BAZ2A: variants seen among roughly 807,000 people sequenced by gnomAD.
BAZ2A encodes bromodomain adjacent to zinc finger domain protein 2A.
Under a neutral mutation model 199.9 loss-of-function variants are expected in BAZ2A, and 34 were observed. That is an observed-to-expected ratio of 0.17 (90% CI 0.13 to 0.23). BAZ2A has a LOEUF of 0.23. Among genes scored for constraint, BAZ2A ranks in the 10% least tolerant of loss-of-function variants. The pLI is 1.00. For synonymous variants in BAZ2A, 857 were observed against 883.9 expected (o/e 0.97, Z 0.54); for missense variants, 2,002 against 2,391.1 (o/e 0.84, Z 3.39).
At chr12:56,602,955 C>T (rs1294140749) in intron 18 of BAZ2A, 98 bp from the exon 19 acceptor site, 2 of 1,363,292 alleles carry the variant, frequency 1.5e-6, no homozygotes, top group Non-Finnish European at 2.0e-6. Context: ...GCTCTCAGTC[C>T]CTCTATAAAA....
At chr12:56,609,685 T>G in intron 10 of BAZ2A, 51 bp downstream of exon 10, 2 of 1,542,072 alleles carry the variant, frequency 1.3e-6, no homozygotes, top group South Asian at 1.1e-5. Flanking sequence ...ATCAACATTT[T>G]AGATACCTCA....
intron 12 of BAZ2A, 25 bp from the exon 13 acceptor site, chr12:56,606,088 G>A (rs1357327471): frequency 6.4e-7 from 1 of 1,551,244 alleles, no homozygotes. Flanking sequence ...GAGGAACCAA[G>A]ACTGCCATAA....
intron 7 of BAZ2A, 150 bp downstream of exon 7, chr12:56,611,423 A>T (rs1301843268): frequency 2.7e-6 from 2 of 746,684 alleles, no homozygotes; most frequent in African/African-American, 3.6e-5. Context: ...TCATGCCAAG[A>T]AACATTATCA....
At position 56,630,301 on chromosome 12, in the gene BAZ2A, G is replaced by C. The variant is rs1951269250; in HGVS notation, c.-179C>G. On this transcript the variant is annotated 5_prime_UTR_variant, in exon 1 of 29. Transcript: ENST00000549884. ...GGCTCAACCGCGGGGCCCGAGAGGA[G>C]CCAACATGGCCGGCGGGGGAGGAGT... The C allele has an allele frequency of 7.1e-6, 7 of 984,470 alleles. No homozygotes were observed. The highest frequency in any genetic ancestry group is 7.2e-6 in the Non-Finnish European group (6 of 829,126). The allele number at this position is 984,470 out of a possible 1,614,324, so 61.0% of individuals were successfully genotyped here.
In BAZ2A at chr12:56,601,260, C is replaced by G. The variant is rs751737008; in HGVS notation, c.4214G>C (p.Arg1405Thr). ...GAAGAACTTACTGGGAGGTCTCCCT[C>G]TCCGTTTGGGCTGTCCCAGCCCTGT... ...SPTGLGQPKRRGRPPSKFFKQ... is the reference protein window; with the variant it reads ...SPTGLGQPKRTGRPPSKFFKQ... The change falls in exon 21 of 29, where the codon AGA (arginine) becomes ACA (threonine). Residue 1405 changes from arginine to threonine, a missense_variant. This residue lies in a region of BAZ2A where 1,081 missense variants were observed against 1,274.7 expected (regional missense o/e 0.85). Transcript: ENST00000549884. 6.2e-7 allele frequency: 1 copy of G among 1,614,052 alleles called. No homozygotes were observed. The highest frequency in any genetic ancestry group is 1.1e-5 in the South Asian group (1 of 91,086).
intron 1 of BAZ2A, among the ~76,000 whole-genome samples, chr12:56,627,999 T>C (rs1195467116): frequency 6.6e-6 from 1 of 150,650 alleles, no homozygotes; most frequent in Non-Finnish European, 1.5e-5. Flanking sequence ...CTGGCCAACA[T>C]GATGAAACGC....
chr12:56,607,943 G>A (rs1950418479), intron 10 of BAZ2A, among the ~76,000 whole-genome samples: 1 of 151,980 alleles, frequency 6.6e-6, no homozygotes, highest in Non-Finnish European at 1.5e-5. Flanking sequence ...AGCTGGGCGT[G>A]GTGGCATATG....
At chr12:56,623,352 A>AC (rs983195065) in intron 1 of BAZ2A, among the ~76,000 whole-genome samples, 2 of 152,062 alleles carry the variant, frequency 1.3e-5, no homozygotes. Flanking sequence ...CTCTGAGGCT[A>AC]CCCCCCAGGA....
intron 21 of BAZ2A, 35 bp from the exon 22 acceptor site, chr12:56,601,133 T>C (rs759791994): frequency 3.1e-6 from 5 of 1,613,764 alleles, no homozygotes; most frequent in Non-Finnish European, 4.2e-6. Context: ...GGGCGCCAGC[T>C]GTGAAGCACT....
In BAZ2A at chr12:56,600,299, C is replaced by G; in HGVS notation, c.4794G>C (p.Arg1598=). The G allele has an allele frequency of 6.2e-7, 1 of 1,613,990 alleles. No individual in the cohort carries two copies. Among genetic ancestry groups the G allele is most frequent in the Non-Finnish European group, 8.5e-7 (1 of 1,179,886 alleles). The change falls in exon 24 of 29, where the codon CGG becomes CGC. Residue 1598 remains arginine, a synonymous_variant. Coordinates refer to ENST00000549884, the MANE Select transcript of BAZ2A (RefSeq NM_001300905.2). ...TTGGCCAGAGGGGCTCCCGCAGGTA[C>G]CGCCGTTCTACATTCTGTTCCAGGG... ...LAALEQNVER[R]YLREPLWPTH...
In BAZ2A at chr12:56,601,421, A is replaced by G. The variant is rs1886466571; in HGVS notation, c.4072-19T>C. 1.2e-6 allele frequency: 2 copies of G among 1,607,128 alleles called. No homozygotes were observed. Among genetic ancestry groups the G allele is most frequent in the Non-Finnish European group, 1.7e-6 (2 of 1,176,306 alleles). ...TATTCATCTGTGAATAAAATGAGAC[A>G]TAAGGAAATGAGGATGTTTTCATGT... On this transcript the variant is annotated intron_variant, in intron 20 of 28. Coordinates refer to ENST00000549884, the MANE Select transcript of BAZ2A (RefSeq NM_001300905.2).
upstream of BAZ2A, chr12:56,630,685 G>C (rs956837792): frequency 2.5e-6 from 2 of 814,748 alleles, no homozygotes; most frequent in African/African-American, 3.7e-5. Flanking sequence ...TCCCAGGTAG[G>C]GTAATGGAAA....
At chr12:56,633,268 G>A (rs1389559829), upstream of BAZ2A, among the ~76,000 whole-genome samples, 3 of 152,090 alleles carry the variant, frequency 2.0e-5, no homozygotes, top group Non-Finnish European at 4.4e-5. Flanking sequence ...AAGGGGATTC[G>A]TTTGCATCCC....
intron 1 of BAZ2A, among the ~76,000 whole-genome samples, chr12:56,627,500 CT>C (rs1951138059): frequency 6.7e-6 from 1 of 148,730 alleles, no homozygotes; most frequent in African/African-American, 2.5e-5. Flanking sequence ...AAAAACAAAA[CT>C]TTATCTTTCA....
At position 56,614,058 on chromosome 12, in the gene BAZ2A, G is replaced by A. The variant is rs769853789; in HGVS notation, c.811C>T (p.Pro271Ser). 9.6e-5 allele frequency: 155 copies of A among 1,613,870 alleles called. 1 individual carries two copies. The Admixed American group carries it at 2.5e-3, about 26-fold the overall frequency. ...GGATCATCTAAACAGCTCACTGTGG[G>A]GTCAGGGACCAGGACTGAGACCTCT... ...HQEVSVLVPDPTVSCLDDPSH... is the reference protein window; with the variant it reads ...HQEVSVLVPDSTVSCLDDPSH... The change falls in exon 4 of 29, where the codon CCC becomes TCC. Residue 271 changes from proline (P) to serine (S), a missense_variant. Coordinates refer to ENST00000549884, the MANE Select transcript of BAZ2A (RefSeq NM_001300905.2).
At position 56,612,117 on chromosome 12, in the gene BAZ2A, G is replaced by A. The variant is rs1385470235; in HGVS notation, c.1265C>T (p.Ala422Val). 1 of 1,613,960 alleles carries A rather than the reference G, an allele frequency of 6.2e-7. No individual in the cohort carries two copies. Among genetic ancestry groups the A allele is most frequent in the Non-Finnish European group, 8.5e-7 (1 of 1,179,872 alleles). Residue 422 changes from alanine (A) to valine (V), a missense_variant, in exon 6 of 29, where the codon GCA becomes GTA. This residue lies in a region of BAZ2A where 641 missense variants were observed against 694.5 expected (regional missense o/e 0.92). Coordinates refer to ENST00000549884, the MANE Select transcript of BAZ2A (RefSeq NM_001300905.2). ...TGTTGGCGAGACTGCTGGTGAGGTT[G>A]CTGGATGTAGCTGAATAGTGGATGA... is the stretch of plus-strand genomic sequence containing the variant. ...DQSSTIQLHP[A>V]TSPAVSPTTS...
rs1886490178 is a variant in BAZ2A at position 56,601,591 on chromosome 12, C to T, written c.4026G>A (p.Glu1342=). 6.2e-7 allele frequency: 1 copy of T among 1,613,682 alleles called. No individual in the cohort carries two copies. Among genetic ancestry groups the T allele is most frequent in the African/African-American group, 1.3e-5 (1 of 74,900 alleles). The change falls in exon 20 of 29, where the codon GAG becomes GAA. Residue 1342 remains glutamate, a synonymous_variant. Transcript: ENST00000549884. ...GCTGAGGGGAGGGAGTGGGTTGGTC[C>T]TCAGAAACTGCAGGGGGCGGTGTGG... ...AAPTPPPAVS[E]DQPTPSPQQL...
upstream of BAZ2A, among the ~76,000 whole-genome samples, chr12:56,634,496 G>A (rs1011768664): frequency 2.6e-5 from 4 of 152,204 alleles, no homozygotes; most frequent in Admixed American, 1.3e-4. Flanking sequence ...GAACTTAAAG[G>A]GCTGAGCGGA....
intron 1 of BAZ2A, among the ~76,000 whole-genome samples, chr12:56,627,906 G>A (rs1676372869): frequency 6.6e-6 from 1 of 151,624 alleles, no homozygotes; most frequent in Non-Finnish European, 1.5e-5. Flanking sequence ...AGAAGACCAG[G>A]CATGGTGGCT....
Sources: allele counts gnomAD v4.1 joint callset (sites outside exome capture counted in the v4.1 genomes callset), GRCh38; gene constraint gnomAD v4.1.1; regional missense constraint gnomAD v4.1.1; transcripts MANE v1.5; gene names NCBI Gene and HGNC (gene_info 2026-07-23, HGNC 2026-07-21).